The following WSCD1 variants were observed in gnomAD, a reference collection of about 807,000 sequenced individuals.
The protein encoded by WSCD1 is sialate:O-sulfotransferase 1.
WSCD1 carries 41 observed loss-of-function variants against 60.4 expected under a neutral mutation model. The observed-to-expected ratio is 0.68, with a 90% confidence interval of 0.53 to 0.88. WSCD1 has a LOEUF of 0.88. Among genes scored for constraint, WSCD1 ranks in the 40% least tolerant of loss-of-function variants. WSCD1 has a pLI of 0.00. For synonymous variants in WSCD1, 361 were observed against 332.5 expected (o/e 1.09, Z -0.93); for missense variants, 784 against 796.2 (o/e 0.98, Z 0.18).
At chr17:6,106,029 T>TTCATTCAC in intron 5 of WSCD1, among the ~76,000 whole-genome samples, 1 of 152,356 alleles carries the variant, frequency 6.6e-6, no homozygotes, top group Admixed American at 6.5e-5. Context: ...TGCTTCTTCA[T>TTCATTCAC]TCATTCACTC....
chr17:6,114,642 T>A (rs1422925096), intron 7 of WSCD1, among the ~76,000 whole-genome samples: 1 of 151,946 alleles, frequency 6.6e-6, no homozygotes, highest in Non-Finnish European at 1.5e-5. Context: ...TTATCATGCA[T>A]CAGTTTAAAA....
chr17:6,080,772 C>A lies in WSCD1; in HGVS notation c.114C>A (p.Val38=). The change falls in exon 2 of 9, where the codon GTC becomes GTA. Residue 38 remains valine (V), a synonymous_variant. Coordinates refer to ENST00000317744, the MANE Select transcript of WSCD1 (RefSeq NM_015253.2). This position sits in a 1 kb window ranked among gnomAD's most constrained non-coding sequence, Gnocchi z 6.6. The part of the protein sequence containing the change: ...MTGSLLLLQR[V]RVALPQGPRA... ...GCAGCCTGCTGCTGCTGCAGCGGGT[C>A]CGCGTGGCTCTCCCACAGGGCCCCC... The A allele has an allele frequency of 6.2e-7, 1 of 1,611,926 alleles. No individual in the cohort carries two copies. The highest frequency in any genetic ancestry group is 1.1e-5 in the South Asian group (1 of 90,930).
intron 1 of WSCD1, among the ~76,000 whole-genome samples, chr17:6,077,383 A>C (rs1383201737): frequency 6.6e-6 from 1 of 152,088 alleles, no homozygotes; most frequent in Non-Finnish European, 1.5e-5. Context: ...CACTATGCCC[A>C]GTCTTTTGTT....
chr17:6,118,569 C>T lies in WSCD1; in HGVS notation c.1375+381C>T, dbSNP rs1480582190. Among the ~76,000 whole-genome samples, 3 of 152,208 alleles carry T rather than the reference C, an allele frequency of 2.0e-5. No individual in the cohort carries two copies. The highest frequency in any genetic ancestry group is 7.2e-5 in the African/African-American group (3 of 41,456). On this transcript the variant is annotated intron_variant, in intron 8 of 8. Transcript: ENST00000317744. The surrounding 1 kb of genome is among the most constrained non-coding windows in gnomAD (Gnocchi z 5.8). ...ATGGGGTGCACATGGACCTGCTTTG[C>T]ACCTTCCTCTGTGTTCAGCACCAGG...
At chr17:6,081,175 G>A in intron 2 of WSCD1, 90 bp downstream of exon 2, 4 of 1,389,198 alleles carry the variant, frequency 2.9e-6, no homozygotes, top group Non-Finnish European at 3.8e-6. Flanking sequence ...CTGCAGGCCT[G>A]TGGCCTTCAC....
Position 6,080,560 on chromosome 17 carries a change from G to A in WSCD1, c.-99G>A. On this transcript the variant is annotated 5_prime_UTR_variant, in exon 2 of 9. Transcript: ENST00000317744. The surrounding 1 kb of genome is among the most constrained non-coding windows in gnomAD (Gnocchi z 6.6). ...GAGCACAGGCAGGTGCCAGGAGCCAGGATGCAAGGATGACGCCTCCGGAGG... is the reference window on the plus strand; with the variant it reads ...GAGCACAGGCAGGTGCCAGGAGCCAAGATGCAAGGATGACGCCTCCGGAGG... 3.8e-6 allele frequency: 5 copies of A among 1,313,090 alleles called. No individual in the cohort carries two copies. The highest frequency in any genetic ancestry group is 5.3e-6 in the Non-Finnish European group (5 of 938,184). The allele number at this position is 1,313,090 out of a possible 1,614,324, so 81.3% of individuals were successfully genotyped here. A position where few individuals can be genotyped will look rare whatever the true frequency, so the allele number is the denominator to read the frequency against.
Position 6,120,795 on chromosome 17 carries a change from C to T in WSCD1, c.*134C>T. 2.2e-6 allele frequency: 2 copies of T among 900,076 alleles called. No individual in the cohort carries two copies. The highest frequency in any genetic ancestry group is 3.3e-6 in the Non-Finnish European group (2 of 606,964). 55.8% of individuals were successfully genotyped at this position (900,076 alleles called of 1,614,324 possible). On this transcript the variant is annotated 3_prime_UTR_variant, in exon 9 of 9. Transcript: ENST00000317744. ...TGGGGGGCTCACCCTGGTGCTGCCTCCCGCACAAGGAGACCTGGACACAAC... is the reference window on the plus strand; with the variant it reads ...TGGGGGGCTCACCCTGGTGCTGCCTTCCGCACAAGGAGACCTGGACACAAC...
intron 1 of WSCD1, chr17:6,071,022 G>T (rs1908510372): frequency 6.6e-6 from 1 of 152,332 alleles, no homozygotes; most frequent in Admixed American, 6.5e-5. Context: ...CGAGGGCAGG[G>T]TGTGGGGTGC....
Position 6,085,622 on chromosome 17 carries a change from G to A in WSCD1, c.428-2368G>A, listed in dbSNP as rs561884033. ...CAGCCTGGGAAGCATGTACAGCCAC[G>A]TGCAGTCTCAGTCTGGGAAGGTCTT... On this transcript the variant is annotated intron_variant, in intron 2 of 8. Transcript: ENST00000317744. Among the ~76,000 whole-genome samples the A allele has an allele frequency of 6.6e-5, 10 of 152,248 alleles. No homozygotes were observed. The South Asian group carries it at 1.2e-3, about 19-fold the overall frequency.
chr17:6,094,754 G>A (rs1001982021), intron 4 of WSCD1, among the ~76,000 whole-genome samples: 2 of 148,002 alleles, frequency 1.4e-5, no homozygotes, highest in Non-Finnish European at 3.0e-5. Flanking sequence ...GGGAGGGAAT[G>A]GAGAACTGGC....
chr17:6,103,486 G>A (rs1163129451), intron 5 of WSCD1, among the ~76,000 whole-genome samples: 1 of 152,166 alleles, frequency 6.6e-6, no homozygotes, highest in African/African-American at 2.4e-5. Context: ...TGATAGGGAT[G>A]GTGTTACCTG....
chr17:6,096,386 C>T (rs566712960), intron 5 of WSCD1, among the ~76,000 whole-genome samples: 9 of 152,272 alleles, frequency 5.9e-5, no homozygotes, highest in South Asian at 2.1e-4. Context: ...CCCCCACTCC[C>T]GCTCTCCCTG....
chr17:6,082,018 T>G (rs4448998), intron 2 of WSCD1: 1 of 152,200 alleles, frequency 6.6e-6, no homozygotes, highest in Non-Finnish European at 1.5e-5. Context: ...ACAGAGGCCC[T>G]GGTATATTAT....
intron 8 of WSCD1, among the ~76,000 whole-genome samples, chr17:6,119,586 C>G (rs1904518375): frequency 6.6e-6 from 1 of 152,168 alleles, no homozygotes; most frequent in South Asian, 2.1e-4. Context: ...TCTTCCCCTT[C>G]CCCCATCATC....
chr17:6,118,335 G>A lies in WSCD1; in HGVS notation c.1375+147G>A. On this transcript the variant is annotated intron_variant, in intron 8 of 8. Transcript: ENST00000317744. The surrounding 1 kb of genome is among the most constrained non-coding windows in gnomAD (Gnocchi z 5.8). Reference sequence around the variant, plus strand: ...GGCACTCAAACCCCATCCTGCTAGGGACTTAGTGCTGCTGTGCCTGGGCTT... The same window carrying A: ...GGCACTCAAACCCCATCCTGCTAGGAACTTAGTGCTGCTGTGCCTGGGCTT... 2 of 863,888 alleles carry A rather than the reference G, an allele frequency of 2.3e-6. No homozygotes were observed. Among genetic ancestry groups the A allele is most frequent in the Non-Finnish European group, 3.6e-6 (2 of 562,986 alleles). The allele number at this position is 863,888 out of a possible 1,614,324, so 53.5% of individuals were successfully genotyped here.
At chr17:6,117,896 CT>C in intron 7 of WSCD1, 91 bp from the exon 8 acceptor site, 1 of 1,360,964 alleles carries the variant, frequency 7.3e-7, no homozygotes, top group Non-Finnish European at 1.0e-6. Flanking sequence ...TCTTATGCCC[CT>C]GATGCCAGCT....
In WSCD1 at chr17:6,080,809, C is replaced by T. The variant is rs180765732; in HGVS notation, c.151C>T (p.Pro51Ser). 2 of 1,609,446 alleles carry T rather than the reference C, an allele frequency of 1.2e-6. No individual in the cohort carries two copies. Among genetic ancestry groups the T allele is most frequent in the South Asian group, 1.1e-5 (1 of 90,648 alleles). Reference sequence around the variant, plus strand: ...CCCACAGGGCCCCCGGGCACCCGGCCCCCTGCAGACCTTGCCAGTGGCCGC... The same window carrying T: ...CCCACAGGGCCCCCGGGCACCCGGCTCCCTGCAGACCTTGCCAGTGGCCGC... Reference protein sequence around the residue: ...ALPQGPRAPGPLQTLPVAAVA... With the variant: ...ALPQGPRAPGSLQTLPVAAVA... The change falls in exon 2 of 9, where the codon CCC becomes TCC. Residue 51 changes from proline to serine, a missense_variant. Pro to Ser is a moderately conservative substitution (Grantham distance 74). Transcript: ENST00000317744. The surrounding 1 kb of genome is among the most constrained non-coding windows in gnomAD (Gnocchi z 6.6).
At chr17:6,069,675 G>A (rs536690136), upstream of WSCD1, among the ~76,000 whole-genome samples, 11 of 151,778 alleles carry the variant, frequency 7.2e-5, no homozygotes, top group East Asian at 2.1e-3. Flanking sequence ...GTCTCAGATT[G>A]TGTGAGAGTG....
chr17:6,094,893 C>T (rs1910317803), intron 4 of WSCD1, among the ~76,000 whole-genome samples: 1 of 150,560 alleles, frequency 6.6e-6, no homozygotes, highest in Admixed American at 6.6e-5. Context: ...TTGTAGATGA[C>T]CCTGGACGGT....
Sources: allele counts gnomAD v4.1 joint callset (sites outside exome capture counted in the v4.1 genomes callset), GRCh38; gene constraint gnomAD v4.1.1; non-coding constraint Gnocchi (gnomAD v3.1); transcripts MANE v1.5; gene names NCBI Gene and HGNC (gene_info 2026-07-23, HGNC 2026-07-21).